Variants in URI1 observed in about 807,000 individuals in gnomAD.
URI1 encodes the protein URI1 prefoldin like chaperone, also known as unconventional prefoldin RPB5 interactor 1.
URI1 carries 39 observed loss-of-function variants against 60.2 expected under a neutral mutation model. That is an observed-to-expected ratio of 0.65 (90% CI 0.50 to 0.85). URI1 has a LOEUF of 0.85. Ranked by LOEUF, URI1 falls within the 40% of genes least tolerant of loss-of-function variation. URI1 has a pLI of 0.00. For missense variants in URI1, 691 were observed against 665.9 expected, an observed-to-expected ratio of 1.04 and a Z score of -0.42; for synonymous variants, 251 against 236.8, an observed-to-expected ratio of 1.06 and a Z score of -0.55.
chr19:29,990,776 C>T (rs2055736237), intron 4 of URI1, among the ~76,000 whole-genome samples: 1 of 152,034 alleles, frequency 6.6e-6, no homozygotes, highest in South Asian at 2.1e-4. Context: ...AATGAAAATA[C>T]AAAAATACAG....
chr19:29,941,595 C>T (rs1347245147), upstream of URI1, among the ~76,000 whole-genome samples: 1 of 149,834 alleles, frequency 6.7e-6, no homozygotes, highest in African/African-American at 2.5e-5. Flanking sequence ...CACTCCAGCC[C>T]GGGCGACAGA....
chr19:29,939,222 C>A (rs1394610348), upstream of URI1, among the ~76,000 whole-genome samples: 6 of 151,988 alleles, frequency 3.9e-5, no homozygotes, highest in Non-Finnish European at 7.4e-5. Flanking sequence ...GGTGATTTGC[C>A]TGCCTTGGCC....
rs145377110 is a variant in URI1 at position 30,007,493 on chromosome 19, C to T, written c.541C>T (p.Pro181Ser). ...AGCAAAACACCGAATTGCTCATAAA[C>T]CGCATTCCAAACCAAAAACTTCAGA... The part of the protein sequence containing the change: ...FKAKHRIAHK[P>S]HSKPKTSDIF... The change falls in exon 7 of 11, where the codon CCG (proline) becomes TCG (serine). Residue 181 changes from proline (P) to serine (S), a missense_variant. Transcript: ENST00000392271. The T allele has an allele frequency of 2.5e-6, 4 of 1,613,032 alleles. No homozygotes were observed. The highest frequency in any genetic ancestry group is 2.5e-6 in the Non-Finnish European group (3 of 1,179,386).
chr19:29,957,508 T>C (rs1401947660), intron 1 of URI1, among the ~76,000 whole-genome samples: 2 of 152,188 alleles, frequency 1.3e-5, no homozygotes, highest in Non-Finnish European at 2.9e-5. Context: ...TGCCTGTAAT[T>C]GCACCAGTAT....
At chr19:29,949,935 AG>A (rs2055158650) in intron 1 of URI1, among the ~76,000 whole-genome samples, 1 of 135,670 alleles carries the variant, frequency 7.4e-6, no homozygotes. Context: ...GGGAGACGGG[AG>A]GGGGAGGGGG....
At chr19:29,946,471 C>T (rs1447868228) in intron 1 of URI1, among the ~76,000 whole-genome samples, 1 of 151,910 alleles carries the variant, frequency 6.6e-6, no homozygotes, top group African/African-American at 2.4e-5. Context: ...GATCCAGTAT[C>T]GTTTTTATAG....
At chr19:29,942,119 C>A, upstream of URI1, 2 of 719,354 alleles carry the variant, frequency 2.8e-6, no homozygotes, top group Non-Finnish European at 3.4e-6. Context: ...GCGGACACCG[C>A]CAGCCCCAGC....
intron 1 of URI1, among the ~76,000 whole-genome samples, chr19:29,950,094 G>A (rs935518453): frequency 6.6e-6 from 1 of 152,160 alleles, no homozygotes; most frequent in East Asian, 1.9e-4. Context: ...CTTGTTGTTG[G>A]CACTTAGTAT....
intron 4 of URI1, among the ~76,000 whole-genome samples, chr19:29,987,006 C>T (rs535692304): frequency 9.2e-5 from 14 of 152,046 alleles, no homozygotes; most frequent in Non-Finnish European, 1.6e-4. Context: ...TTTGTTTATC[C>T]GTGCTATTAT....
chr19:29,959,274 C>T (rs1181822086), intron 1 of URI1, among the ~76,000 whole-genome samples: 1 of 152,140 alleles, frequency 6.6e-6, no homozygotes, highest in Admixed American at 6.5e-5. Context: ...TATAGGAATG[C>T]GCCACCATGC....
intron 1 of URI1, among the ~76,000 whole-genome samples, chr19:29,944,181 AT>A (rs1242787155): frequency 1.1e-5 from 1 of 90,880 alleles, no homozygotes; most frequent in Non-Finnish European, 2.0e-5. Context: ...ATATATATAT[AT>A]ATATATATAT....
Position 30,009,230 on chromosome 19 carries a change from TG to T in URI1, c.913del (p.Asp305MetfsTer21). On this transcript the variant is annotated frameshift_variant, in exon 8 of 11. Transcript: ENST00000392271. LOFTEE classifies it high-confidence loss of function. Reference protein sequence around the residue: ...SYHSDDDDDDDDDDDDDNIDD... With the variant: ...SYHSDDDDDDXDDDDDDNIDD... ...ACCACAGTGATGATGATGATGATGA[TG>T]ATGATGACGACGACGACGACAACAT... 2 of 1,613,352 alleles carry T rather than the reference TG, an allele frequency of 1.2e-6. No individual in the cohort carries two copies. The highest frequency in any genetic ancestry group is 1.3e-5 in the African/African-American group (1 of 74,962).
intron 1 of URI1, among the ~76,000 whole-genome samples, chr19:29,944,146 T>C (rs2055068619): frequency 3.6e-5 from 1 of 28,168 alleles, no homozygotes; most frequent in South Asian, 1.5e-3. Flanking sequence ...CATTCATATA[T>C]ATATATATAT....
intron 2 of URI1, among the ~76,000 whole-genome samples, chr19:29,977,793 T>G (rs2055544235): frequency 6.6e-6 from 1 of 152,034 alleles, no homozygotes; most frequent in South Asian, 2.1e-4. Flanking sequence ...GTGTAATGTT[T>G]CAAAGCAAAT....
chr19:29,971,008 G>A (rs2145325664), intron 1 of URI1, 185 bp from the exon 2 acceptor site: 1 of 602,250 alleles, frequency 1.7e-6, no homozygotes, highest in East Asian at 2.8e-5. Context: ...CTGCATTAGA[G>A]GGTTATGATA....
At chr19:29,952,664 T>C (rs2055194409) in intron 1 of URI1, among the ~76,000 whole-genome samples, 1 of 151,786 alleles carries the variant, frequency 6.6e-6, no homozygotes, top group South Asian at 2.1e-4. Flanking sequence ...GGAAATAGAG[T>C]TTAGAGATCT....
At chr19:29,995,386 A>G (rs563197765) in intron 4 of URI1, among the ~76,000 whole-genome samples, 55 of 152,010 alleles carry the variant, frequency 3.6e-4, no homozygotes, top group Non-Finnish European at 6.2e-4. Flanking sequence ...AGAAATGTCT[A>G]TTCAAGTCTT....
At chr19:29,937,391 T>C (rs995055077), upstream of URI1, among the ~76,000 whole-genome samples, 2 of 152,204 alleles carry the variant, frequency 1.3e-5, no homozygotes, top group Admixed American at 6.5e-5. Context: ...ATTCTTTTTT[T>C]CCCCCTGTGA....
chr19:29,974,372 T>C (rs1200184400), intron 2 of URI1, among the ~76,000 whole-genome samples: 1 of 152,208 alleles, frequency 6.6e-6, no homozygotes, highest in South Asian at 2.1e-4. Flanking sequence ...TTTGTCATGA[T>C]GGAGAGAGAG....
Sources: allele counts gnomAD v4.1 joint callset (sites outside exome capture counted in the v4.1 genomes callset), GRCh38; gene constraint gnomAD v4.1.1; transcripts MANE v1.5; gene names NCBI Gene and HGNC (gene_info 2026-07-23, HGNC 2026-07-21).